RAP1GAP2: variants seen among roughly 807,000 people sequenced by gnomAD.
The protein encoded by RAP1GAP2 is rap1 GTPase-activating protein 2.
Under a neutral mutation model 95.0 loss-of-function variants are expected in RAP1GAP2, and 27 were observed. That is an observed-to-expected ratio of 0.28 (90% CI 0.21 to 0.39). RAP1GAP2 has a LOEUF of 0.39. Among genes scored for constraint, RAP1GAP2 ranks in the 10% least tolerant of loss-of-function variants. The pLI is 1.00. For missense variants in RAP1GAP2, 771 were observed against 970.0 expected (o/e 0.79, Z 2.72); for synonymous variants, 373 against 380.9 (o/e 0.98, Z 0.24).
intron 2 of RAP1GAP2, among the ~76,000 whole-genome samples, chr17:2,807,218 C>G: frequency 6.6e-6 from 1 of 152,336 alleles, no homozygotes; most frequent in Admixed American, 6.5e-5. Flanking sequence ...TTTAATGACT[C>G]TTTTCATTCA....
chr17:2,985,132 C>G (rs1457549297), intron 11 of RAP1GAP2, 66 bp downstream of exon 11: 5 of 1,603,250 alleles, frequency 3.1e-6, no homozygotes, highest in Admixed American at 3.4e-5. Flanking sequence ...CTTTTTATCC[C>G]CACCCAGAAC....
At chr17:2,925,038 A>G (rs1240101556) in intron 3 of RAP1GAP2, among the ~76,000 whole-genome samples, 3 of 152,186 alleles carry the variant, frequency 2.0e-5, no homozygotes, top group Admixed American at 6.5e-5. Flanking sequence ...TTGGGACTGT[A>G]TGTGAGTGCC....
intron 2 of RAP1GAP2, among the ~76,000 whole-genome samples, chr17:2,831,698 C>A (rs1330536867): frequency 6.6e-6 from 1 of 151,696 alleles, no homozygotes; most frequent in East Asian, 1.9e-4. Context: ...TGAGACCAGC[C>A]TGGTGGGGGG....
chr17:2,962,391 T>C, intron 4 of RAP1GAP2: 1 of 445,100 alleles, frequency 2.2e-6, no homozygotes, highest in Non-Finnish European at 4.0e-6. Flanking sequence ...GAGAGGTTTC[T>C]GTGACTTGCC....
chr17:2,818,139 A>G (rs2070114191), intron 2 of RAP1GAP2, among the ~76,000 whole-genome samples: 2 of 151,512 alleles, frequency 1.3e-5, no homozygotes, highest in Admixed American at 6.6e-5. Context: ...CCCGGCCTCT[A>G]TGTTTAATTT....
intron 3 of RAP1GAP2, among the ~76,000 whole-genome samples, chr17:2,915,945 G>A (rs558875666): frequency 3.4e-4 from 52 of 151,872 alleles, no homozygotes; most frequent in African/African-American, 1.2e-3. Flanking sequence ...TGATCCGCCC[G>A]CCTCAGCCTC....
intron 2 of RAP1GAP2, among the ~76,000 whole-genome samples, chr17:2,892,670 G>A (rs9912966): frequency 6.6e-6 from 1 of 152,190 alleles, no homozygotes; most frequent in East Asian, 1.9e-4. Context: ...GGCCTTTCAC[G>A]TGCAGGCTTG....
intron 18 of RAP1GAP2, among the ~76,000 whole-genome samples, chr17:3,019,832 C>T (rs927514693): frequency 7.9e-5 from 12 of 152,152 alleles, no homozygotes; most frequent in Admixed American, 2.6e-4. Flanking sequence ...GCTTGGTGGC[C>T]TCTAGAGGTT....
At chr17:2,908,637 T>C (rs2042276730) in intron 3 of RAP1GAP2, among the ~76,000 whole-genome samples, 1 of 152,008 alleles carries the variant, frequency 6.6e-6, no homozygotes. Context: ...TTGTAGCCAG[T>C]AGATACATGG....
intron 3 of RAP1GAP2, among the ~76,000 whole-genome samples, chr17:2,953,880 C>G (rs2044010166): frequency 2.0e-5 from 3 of 152,084 alleles, no homozygotes; most frequent in African/African-American, 7.2e-5. Context: ...GTGTACAATT[C>G]AGTGGTTTTT....
chr17:2,796,386 GGGGGCAGGC>G, upstream of RAP1GAP2: 5 of 866,168 alleles, frequency 5.8e-6, no homozygotes, highest in Non-Finnish European at 9.2e-6. This position sits in a 1 kb window ranked among gnomAD's most constrained non-coding sequence, Gnocchi z 4.7. Context: ...AGCTCGGGTT[GGGGGCAGGC>G]GAAGAGGGAG....
At chr17:2,981,124 A>G in intron 9 of RAP1GAP2, 71 bp from the exon 10 acceptor site, 1 of 1,439,682 alleles carries the variant, frequency 6.9e-7, no homozygotes, top group South Asian at 1.2e-5. Flanking sequence ...CGCATTGTCC[A>G]GGTGGGCAGA....
chr17:2,828,063 G>T (rs545757940), intron 2 of RAP1GAP2, among the ~76,000 whole-genome samples: 1 of 152,128 alleles, frequency 6.6e-6, no homozygotes, highest in African/African-American at 2.4e-5. Context: ...ATCCTGGGCC[G>T]GGTGCGGTGG....
rs559439624 is a variant in RAP1GAP2 at position 3,015,727 on chromosome 17, G to T, written c.1495-2334G>T. Among the ~76,000 whole-genome samples the T allele has an allele frequency of 3.9e-5, 6 of 152,130 alleles. No individual in the cohort carries two copies. In the South Asian group the frequency reaches 1.2e-3, roughly 31 times the overall value. ...AGCTACTCGGGAGGCTGAGGCAGGA[G>T]AATCTCTTGAACCTGGGAAGCGGAG... On this transcript the variant is annotated intron_variant, in intron 17 of 24. Transcript: ENST00000254695.
At chr17:2,799,927 G>A (rs907920147) in intron 1 of RAP1GAP2, among the ~76,000 whole-genome samples, 6 of 152,154 alleles carry the variant, frequency 3.9e-5, no homozygotes, top group South Asian at 2.1e-4. Context: ...TGCAGCAAAC[G>A]TGATCTTCCC....
intron 13 of RAP1GAP2, among the ~76,000 whole-genome samples, chr17:2,996,810 G>T (rs186748403): frequency 6.6e-6 from 1 of 152,316 alleles, no homozygotes; most frequent in East Asian, 1.9e-4. Context: ...AGTAAGTGAG[G>T]CAATTTGTGT....
intron 1 of RAP1GAP2, among the ~76,000 whole-genome samples, chr17:2,787,283 G>C (rs527316630): frequency 1.5e-5 from 2 of 133,344 alleles, no homozygotes; most frequent in Admixed American, 8.1e-5. Flanking sequence ...TTTTTTTTTC[G>C]AGACAGAGTC....
At chr17:2,984,007 C>G (rs1297902426) in intron 10 of RAP1GAP2, among the ~76,000 whole-genome samples, 1 of 152,136 alleles carries the variant, frequency 6.6e-6, no homozygotes, top group Non-Finnish European at 1.5e-5. Context: ...AAACTCAGCT[C>G]CAGAGAAGCA....
intron 2 of RAP1GAP2, among the ~76,000 whole-genome samples, chr17:2,846,170 G>A (rs2071580513): frequency 2.0e-5 from 3 of 150,282 alleles, no homozygotes; most frequent in African/African-American, 7.4e-5. Flanking sequence ...GCAACAGTGC[G>A]AGACTCTGTC....
Sources: gnomAD v4.1 joint callset for allele counts (sites outside exome capture counted in the v4.1 genomes callset) on GRCh38, gnomAD v4.1.1 for gene constraint, Gnocchi (gnomAD v3.1) non-coding constraint, MANE v1.5 for transcripts, NCBI Gene and HGNC (gene_info 2026-07-23, HGNC 2026-07-21) for gene names.